Variants in ACOX3 observed in about 807,000 individuals in gnomAD.
The protein encoded by ACOX3 is acyl-CoA oxidase 3, pristanoyl.
In ACOX3, 73 loss-of-function variants were observed where a neutral mutation model predicts 81.5. The observed-to-expected ratio is 0.90, with a 90% CI of 0.74 to 1.09. The LOEUF (loss-of-function observed/expected upper bound fraction) is 1.09. ACOX3 is among the 50% of genes least tolerant of loss of function. ACOX3 has a pLI of 0.00. For synonymous variants in ACOX3, 387 were observed against 375.1 expected (o/e 1.03, Z -0.37); for missense variants, 947 against 928.0 (o/e 1.02, Z -0.27).
intron 11 of ACOX3, among the ~76,000 whole-genome samples, chr4:8,391,318 G>A (rs1289859191): frequency 6.6e-6 from 1 of 152,208 alleles, no homozygotes; most frequent in Non-Finnish European, 1.5e-5. Context: ...GCTGGAACAG[G>A]TGCGAGTTAG....
chr4:8,420,015 T>C (rs751408354), intron 1 of ACOX3, among the ~76,000 whole-genome samples: 15 of 152,224 alleles, frequency 9.9e-5, no homozygotes, highest in Admixed American at 6.5e-4. Context: ...GAGCTGGTGC[T>C]GTGTGCAGGT....
At position 8,394,873 on chromosome 4, in the gene ACOX3, C is replaced by T; in HGVS notation, c.1057-131G>A. ...CACCCACTAGCGCTGAAGGTCTTCACATGTCTTCCCGGCACATCAGAAAGC... is the reference window on the plus strand; with the variant it reads ...CACCCACTAGCGCTGAAGGTCTTCATATGTCTTCCCGGCACATCAGAAAGC... On this transcript the variant is annotated intron_variant, in intron 9 of 17. Coordinates refer to ENST00000356406, the MANE Select transcript of ACOX3 (RefSeq NM_003501.3). The surrounding 1 kb of genome is among the most constrained non-coding windows in gnomAD (Gnocchi z 5.9). 8.1e-7 allele frequency: 1 copy of T among 1,240,630 alleles called. No individual in the cohort carries two copies. Among genetic ancestry groups the T allele is most frequent in the Non-Finnish European group, 1.1e-6 (1 of 920,436 alleles). 76.9% of individuals were successfully genotyped at this position (1,240,630 alleles called of 1,614,324 possible).
chr4:8,391,911 A>T (rs959187615), intron 11 of ACOX3, among the ~76,000 whole-genome samples: 2 of 152,246 alleles, frequency 1.3e-5, no homozygotes, highest in African/African-American at 4.8e-5. Flanking sequence ...CAAACAAAAC[A>T]TGGTGCTAGT....
chr4:8,407,557 T>C lies in ACOX3; in HGVS notation c.688-1514A>G, dbSNP rs1381955120. Among the ~76,000 whole-genome samples, 1 of 152,178 alleles carries C rather than the reference T, an allele frequency of 6.6e-6. No individual in the cohort carries two copies. The highest frequency in any genetic ancestry group is 1.9e-4 in the East Asian group (1 of 5,182). ...TTATGCTGTTTCGAGCGCCCTGCTT[T>C]GTGGTGCTTTGCTGTGGCAGCCATG... On this transcript the variant is annotated intron_variant, in intron 6 of 17. Transcript: ENST00000356406. This position sits in a 1 kb window ranked among gnomAD's most constrained non-coding sequence, Gnocchi z 4.6.
chr4:8,367,414 T>C lies in ACOX3; in HGVS notation c.1984-334A>G, dbSNP rs377691544. On this transcript the variant is annotated intron_variant, in intron 17 of 17. Coordinates refer to ENST00000356406, the MANE Select transcript of ACOX3 (RefSeq NM_003501.3). ...AGGAGAATCACTTGAACCTGGGAGG[T>C]AGAGGTTTCAGTGAGCCGAGATTGC... Among the ~76,000 whole-genome samples, 37 of 151,800 alleles carry C rather than the reference T, an allele frequency of 2.4e-4. No individual in the cohort carries two copies. In the South Asian group the frequency reaches 4.0e-3, roughly 16 times the overall value.
At chr4:8,367,788 G>T (rs544618235) in intron 17 of ACOX3, among the ~76,000 whole-genome samples, 1 of 111,948 alleles carries the variant, frequency 8.9e-6, no homozygotes, top group African/African-American at 3.4e-5. Context: ...TGGGCAACAC[G>T]GCGAAACCCC....
Position 8,407,069 on chromosome 4 carries a change from A to T in ACOX3, c.688-1026T>A, listed in dbSNP as rs1211140576. ...TCTGCTTGGCAACGGGCGTCTTCCC[A>T]GATGCTGGCATCACTGCTAGACCAA... On this transcript the variant is annotated intron_variant, in intron 6 of 17. Transcript: ENST00000356406. The surrounding 1 kb of genome is among the most constrained non-coding windows in gnomAD (Gnocchi z 4.6). Among the ~76,000 whole-genome samples the T allele has an allele frequency of 6.6e-6, 1 of 152,180 alleles. No individual in the cohort carries two copies. Among genetic ancestry groups the T allele is most frequent in the East Asian group, 1.9e-4 (1 of 5,184 alleles).
intron 14 of ACOX3, among the ~76,000 whole-genome samples, chr4:8,379,451 C>G (rs755001663): frequency 5.3e-5 from 8 of 152,246 alleles, no homozygotes; most frequent in Non-Finnish European, 1.2e-4. Flanking sequence ...CTGTCAGCTC[C>G]ACAGCTCAGC....
Position 8,410,247 on chromosome 4 carries a change from C to T in ACOX3, c.652G>A (p.Asp218Asn), listed in dbSNP as rs1408815733. ...VVFAKLCVPG[D>N]QCHGLHPFIV... is the part of the protein sequence containing the mutation. ...AAGGGATGCAGCCCATGGCACTGGT[C>T]CCCTGGCACACACAGCTTAGCAAAC... is the stretch of plus-strand genomic sequence containing the variant. The change falls in exon 6 of 18, where the codon GAC (aspartate) becomes AAC (asparagine). Residue 218 changes from aspartate (D) to asparagine (N), a missense_variant. By Grantham distance (23) the Asp-to-Asn change is conservative (BLOSUM62 1). Transcript: ENST00000356406. 1.2e-6 allele frequency: 2 copies of T among 1,614,084 alleles called. No homozygotes were observed. Among genetic ancestry groups the T allele is most frequent in the Non-Finnish European group, 1.7e-6 (2 of 1,179,944 alleles).
At chr4:8,436,757 G>A (rs2109054405) in intron 1 of ACOX3, among the ~76,000 whole-genome samples, 1 of 151,850 alleles carries the variant, frequency 6.6e-6, no homozygotes, top group East Asian at 1.9e-4. Flanking sequence ...GCCGAGGTGG[G>A]CAGATCAAGA....
intron 9 of ACOX3, among the ~76,000 whole-genome samples, chr4:8,395,305 T>G (rs1719568797): frequency 1.4e-5 from 2 of 138,722 alleles, no homozygotes; most frequent in South Asian, 2.5e-4. Context: ...GGTAGGTGGA[T>G]GTGTGGGTGG....
rs1722371425 is a variant in ACOX3, at chr4:8,416,579, G to T, written c.-14-44C>A. The T allele has an allele frequency of 4.0e-6, 6 of 1,512,298 alleles. No individual in the cohort carries two copies. In the South Asian group the frequency reaches 7.9e-5, roughly 20 times the overall value. The allele number at this position is 1,512,298 out of a possible 1,614,324, so 93.7% of individuals were successfully genotyped here. A position where few individuals can be genotyped will look rare whatever the true frequency, so the allele number is the denominator to read the frequency against. On this transcript the variant is annotated intron_variant, in intron 1 of 17. Transcript: ENST00000356406. This position sits in a 1 kb window ranked among gnomAD's most constrained non-coding sequence, Gnocchi z 4.2. ...CTGAATCCATGCTCTCCCATCTATG[G>T]GTTCAAACTACCCCCACCAACAGGA...
intron 1 of ACOX3, among the ~76,000 whole-genome samples, chr4:8,422,937 C>T (rs1723102313): frequency 6.6e-6 from 1 of 152,080 alleles, no homozygotes; most frequent in African/African-American, 2.4e-5. Context: ...AGGCCCACTG[C>T]CCCAGGGGAT....
chr4:8,357,136 CG>C, the ACOX3 span: 1 of 456,040 alleles, frequency 2.2e-6, no homozygotes, highest in African/African-American at 2.0e-5. Flanking sequence ...AAGATGATCC[CG>C]GCAGGTGAGG....
At chr4:8,388,114 C>T (rs745309534) in intron 13 of ACOX3, among the ~76,000 whole-genome samples, 16 of 152,364 alleles carry the variant, frequency 1.1e-4, no homozygotes, top group Middle Eastern at 3.4e-3. Flanking sequence ...GGCCCTGCTG[C>T]CTCCGCCTCC....
At chr4:8,369,156 G>A (rs1199873352) in intron 17 of ACOX3, among the ~76,000 whole-genome samples, 2 of 152,134 alleles carry the variant, frequency 1.3e-5, no homozygotes, top group East Asian at 1.9e-4. Flanking sequence ...GCAGGTAGAC[G>A]CTCAAGGCCG....
At chr4:8,360,472 C>CT in the ACOX3 span, among the ~76,000 whole-genome samples, 1,092 of 135,520 alleles carry the variant, frequency 8.1e-3, 3 homozygotes, top group South Asian at 0.02. Flanking sequence ...GCTTCTTTGA[C>CT]TTTTTTTTTT....
At chr4:8,355,815 A>T in the ACOX3 span, 1 of 153,576 alleles carries the variant, frequency 6.5e-6, no homozygotes, top group South Asian at 2.1e-4. Context: ...AATATGTACA[A>T]ATATCTTACA....
In ACOX3 at chr4:8,384,472, G is replaced by A. The variant is rs537931648; in HGVS notation, c.1538-2865C>T. On this transcript the variant is annotated intron_variant, in intron 13 of 17. Transcript: ENST00000356406. This position sits in a 1 kb window ranked among gnomAD's most constrained non-coding sequence, Gnocchi z 5.3. ...TCTTGCTCGGAATGCGGCTGCTGGC[G>A]GCCTGAGGACACACCCAGCGTCAAC... Among the ~76,000 whole-genome samples the A allele has an allele frequency of 5.3e-5, 8 of 152,234 alleles. No homozygotes were observed. In the East Asian group the frequency reaches 1.4e-3, roughly 26 times the overall value.
Sources: allele counts gnomAD v4.1 joint callset (sites outside exome capture counted in the v4.1 genomes callset), GRCh38; gene constraint gnomAD v4.1.1; non-coding constraint Gnocchi (gnomAD v3.1); transcripts MANE v1.5; gene names NCBI Gene and HGNC (gene_info 2026-07-23, HGNC 2026-07-21).